The following PCDH15 variants were observed in gnomAD, a reference collection of about 807,000 sequenced individuals.
The protein encoded by PCDH15 is protocadherin related 15.
In PCDH15, 129 loss-of-function variants were observed where a neutral mutation model predicts 178.5. That is an observed-to-expected ratio of 0.72 (90% CI 0.63 to 0.84). The LOEUF is 0.84. Ranked by LOEUF, PCDH15 falls within the 40% of genes least tolerant of loss-of-function variation. PCDH15 has a pLI of 0.00. For missense variants in PCDH15, 2,230 were observed against 2,099.9 expected, an observed-to-expected ratio of 1.06 and a Z score of -1.21; for synonymous variants, 800 against 732.0, an observed-to-expected ratio of 1.09 and a Z score of -1.50.
intron 2 of PCDH15, among the ~76,000 whole-genome samples, chr10:54,572,131 TATA>T (rs1425213505): frequency 6.6e-6 from 1 of 152,154 alleles, no homozygotes; most frequent in Admixed American, 6.5e-5. Flanking sequence ...TGTAGGAAGG[TATA>T]ATAAATTTTA....
intron 27 of PCDH15, 110 bp downstream of exon 27, chr10:53,866,532 T>C: frequency 3.9e-6 from 3 of 762,838 alleles, no homozygotes; most frequent in Admixed American, 2.1e-5. Flanking sequence ...ATAATAATTA[T>C]GTTTTTGAAA....
rs1485044365 is a variant in PCDH15, at chr10:53,822,116, C to T, written c.4368-1886G>A. The T allele has an allele frequency of 5.6e-6, 9 of 1,613,490 alleles. No homozygotes were observed. In the South Asian group the frequency reaches 7.7e-5, roughly 14 times the overall value. ...GTTCTCTCTGAGGGTCTGTTTTACA[C>T]ACTGTCGTTGTTGATAGCTGTGTCA... On this transcript the variant is annotated intron_variant, in intron 32 of 37. Coordinates refer to ENST00000644397, the MANE Select transcript of PCDH15 (RefSeq NM_001384140.1).
At chr10:55,292,914 A>T (rs1350915943) in intron 1 of PCDH15, among the ~76,000 whole-genome samples, 4 of 152,074 alleles carry the variant, frequency 2.6e-5, no homozygotes, top group African/African-American at 9.7e-5. Context: ...GGTCTGGAGG[A>T]TGGCAGCCCT....
intron 2 of PCDH15, among the ~76,000 whole-genome samples, chr10:55,159,618 T>C (rs1282342992): frequency 1.4e-5 from 2 of 148,056 alleles, no homozygotes; most frequent in East Asian, 3.9e-4. Flanking sequence ...TAAATAAATA[T>C]ATATATATCT....
intron 1 of PCDH15, 77 bp from the exon 2 acceptor site, chr10:54,664,367 C>A: frequency 1.1e-6 from 1 of 922,142 alleles, no homozygotes; most frequent in Non-Finnish European, 1.7e-6. Context: ...TGTCACAGCA[C>A]AGAAAAGCCT....
Position 54,134,187 on chromosome 10 carries a change from G to T in PCDH15, c.1785-1180C>A, listed in dbSNP as rs1363331662. On this transcript the variant is annotated intron_variant, in intron 14 of 37. Transcript: ENST00000644397. ...GCCTCCCAAGTAGCTGGGATTACAG[G>T]CCTGTGTCAAAATATCTGGCTAATT... Among the ~76,000 whole-genome samples, 3 of 133,444 alleles carry T rather than the reference G, an allele frequency of 2.2e-5. No homozygotes were observed. The Admixed American group carries it at 2.3e-4, about 10-fold the overall frequency. The allele number at this position is 133,444 out of a possible 152,430, so 87.5% of individuals were successfully genotyped here.
intron 3 of PCDH15, among the ~76,000 whole-genome samples, chr10:54,384,402 T>G (rs1225859026): frequency 2.0e-5 from 3 of 151,848 alleles, no homozygotes; most frequent in Non-Finnish European, 4.4e-5. Context: ...TGTAGAAAGT[T>G]GTTGTTGTTG....
At chr10:54,730,846 A>G (rs1426005566) in intron 1 of PCDH15, among the ~76,000 whole-genome samples, 3 of 151,506 alleles carry the variant, frequency 2.0e-5, no homozygotes, top group Non-Finnish European at 4.4e-5. Flanking sequence ...GGTCTATGTA[A>G]AGAGTTTTCT....
intron 1 of PCDH15, among the ~76,000 whole-genome samples, chr10:55,293,276 A>G (rs59968345): frequency 0.16 from 24,863 of 152,014 alleles, 3,481 homozygotes; most frequent in African/African-American, 0.38. Flanking sequence ...TGCACATAGC[A>G]TAAAGATGCT....
At chr10:54,580,708 C>T (rs2090956490) in intron 2 of PCDH15, among the ~76,000 whole-genome samples, 1 of 152,020 alleles carries the variant, frequency 6.6e-6, no homozygotes, top group African/African-American at 2.4e-5. Context: ...CAACCAAACA[C>T]TAGCAAACCT....
At position 54,189,918 on chromosome 10, in the gene PCDH15, CATGTGTATGTGTGTGTGTGTGTGTGTGT is replaced by C. The variant is rs1345261221; in HGVS notation, c.1306-4678_1306-4651del. On this transcript the variant is annotated intron_variant, in intron 11 of 37. Transcript: ENST00000644397. ...GATATGGTTCATATATGTATACATG[CATGTGTATGTGTGTGTGTGTGTGTGTGT>C]GTGTGTGTGTGTGTGTATGGGTATA... Among the ~76,000 whole-genome samples the C allele has an allele frequency of 1.5e-4, 12 of 81,966 alleles. No individual in the cohort carries two copies. The Admixed American group carries it at 1.6e-3, about 11-fold the overall frequency. The allele number at this position is 81,966 out of a possible 152,430, so 53.8% of individuals were successfully genotyped here. A position where few individuals can be genotyped will look rare whatever the true frequency, so the allele number is the denominator to read the frequency against.
chr10:55,279,650 T>C (rs907066160), intron 1 of PCDH15, among the ~76,000 whole-genome samples: 1 of 152,206 alleles, frequency 6.6e-6, no homozygotes, highest in Admixed American at 6.5e-5. Flanking sequence ...AATTATGTAA[T>C]CAGCCTTGTT....
At chr10:54,650,180 A>C (rs1025142219) in intron 2 of PCDH15, among the ~76,000 whole-genome samples, 1 of 152,202 alleles carries the variant, frequency 6.6e-6, no homozygotes, top group East Asian at 1.9e-4. Context: ...GTAGAATTTT[A>C]GTAAAATCTA....
At chr10:55,385,729 A>G (rs1367523133) in intron 2 of PCDH15, among the ~76,000 whole-genome samples, 1 of 146,514 alleles carries the variant, frequency 6.8e-6, no homozygotes, top group East Asian at 2.0e-4. Context: ...GCATATATAT[A>G]TACACGTATA....
At chr10:55,439,202 A>G (rs1839120755) in intron 2 of PCDH15, among the ~76,000 whole-genome samples, 1 of 151,982 alleles carries the variant, frequency 6.6e-6, no homozygotes, top group African/African-American at 2.4e-5. Context: ...ACCTCCAAGT[A>G]AAACAGACCA....
intron 2 of PCDH15, among the ~76,000 whole-genome samples, chr10:55,330,155 C>A (rs971798154): frequency 1.3e-5 from 2 of 151,688 alleles, no homozygotes; most frequent in Non-Finnish European, 1.5e-5. Flanking sequence ...AGTGATTAAA[C>A]TTATTTTAAT....
At chr10:54,779,107 CA>C (rs375544787) in intron 1 of PCDH15, among the ~76,000 whole-genome samples, 19 of 151,922 alleles carry the variant, frequency 1.3e-4, no homozygotes, top group East Asian at 9.7e-4. Flanking sequence ...ACTATAAAAA[CA>C]AAATAGGCCT....
intron 2 of PCDH15, among the ~76,000 whole-genome samples, chr10:55,030,401 T>C (rs1251924684): frequency 6.6e-6 from 1 of 152,188 alleles, no homozygotes; most frequent in African/African-American, 2.4e-5. Flanking sequence ...GGATATTTTG[T>C]AGAATAAACA....
At chr10:55,470,726 G>T (rs925050260) in intron 2 of PCDH15, among the ~76,000 whole-genome samples, 6 of 151,970 alleles carry the variant, frequency 3.9e-5, no homozygotes, top group African/African-American at 1.2e-4. Flanking sequence ...TTATGGGTTT[G>T]GGCAAATGTA....
Sources: allele counts gnomAD v4.1 joint callset (sites outside exome capture counted in the v4.1 genomes callset), GRCh38; gene constraint gnomAD v4.1.1; transcripts MANE v1.5; gene names NCBI Gene and HGNC (gene_info 2026-07-23, HGNC 2026-07-21).